The following ASCC2 variants were observed in gnomAD, a reference collection of about 807,000 sequenced individuals.
ASCC2 encodes activating signal cointegrator 1 complex subunit 2, also known as ASC-1 complex subunit P100.
In ASCC2, 42 loss-of-function variants were observed where a neutral mutation model predicts 93.5. The observed-to-expected ratio is 0.45, with a 90% CI of 0.35 to 0.58. The LOEUF is 0.58. Ranked by LOEUF, ASCC2 falls within the 20% of genes least tolerant of loss-of-function variation. The pLI, the probability that ASCC2 is intolerant of heterozygous loss-of-function variation, is 0.00. For synonymous variants in ASCC2, 364 were observed against 384.2 expected (o/e 0.95, Z 0.62); for missense variants, 859 against 977.6 (o/e 0.88, Z 1.62).
intron 5 of ASCC2, among the ~76,000 whole-genome samples, chr22:29,820,080 A>G (rs915520378): frequency 6.6e-6 from 1 of 152,170 alleles, no homozygotes; most frequent in African/African-American, 2.4e-5. Context: ...GAAAAAAAAA[A>G]GATTAACTGA....
At chr22:29,827,679 A>G in intron 2 of ASCC2, 1 of 459,348 alleles carries the variant, frequency 2.2e-6, no homozygotes, top group South Asian at 1.6e-5. Context: ...CTTGGTTTCC[A>G]AGCTTCCTCC....
chr22:29,800,935 T>C, intron 15 of ASCC2, 56 bp downstream of exon 15: 1 of 1,531,360 alleles, frequency 6.5e-7, no homozygotes, highest in Non-Finnish European at 8.8e-7. Flanking sequence ...TTTCCCTGTG[T>C]CCTCTCTGCA....
At chr22:29,794,838 C>G (rs567220251) in intron 15 of ASCC2, among the ~76,000 whole-genome samples, 10 of 152,216 alleles carry the variant, frequency 6.6e-5, no homozygotes, top group Non-Finnish European at 1.3e-4. Flanking sequence ...AAGCAAACTA[C>G]GCTAACTCTG....
At chr22:29,792,683 C>T (rs2240364) in intron 17 of ASCC2, 148 bp from the exon 18 acceptor site, 62,742 of 1,113,792 alleles carry the variant, frequency 0.056, 2,178 homozygotes, top group South Asian at 0.097. Flanking sequence ...GCCAGATTTG[C>T]TCCAGCCCCT....
At chr22:29,789,212 G>C in intron 19 of ASCC2, 28 bp from the exon 20 acceptor site, 1 of 1,613,538 alleles carries the variant, frequency 6.2e-7, no homozygotes, top group Non-Finnish European at 8.5e-7. Context: ...CACCCCACGA[G>C]AACCTGTCAG....
Position 29,802,709 on chromosome 22 carries a change from G to A in ASCC2, c.1354-501C>T, listed in dbSNP as rs547741015. Among the ~76,000 whole-genome samples the A allele has an allele frequency of 1.1e-4, 17 of 152,154 alleles. No individual in the cohort carries two copies. The South Asian group carries it at 2.7e-3, about 24-fold the overall frequency. ...TGTAATCCTAGCACTTTGGGAGGCCGAGACGGGTGGACTGCCTGAGCTCAG... is the reference window on the plus strand; with the variant it reads ...TGTAATCCTAGCACTTTGGGAGGCCAAGACGGGTGGACTGCCTGAGCTCAG... On this transcript the variant is annotated intron_variant, in intron 13 of 19. Transcript: ENST00000307790.
At position 29,802,180 on chromosome 22, in the gene ASCC2, G is replaced by C; in HGVS notation, c.1382C>G (p.Pro461Arg). The C allele has an allele frequency of 6.2e-7, 1 of 1,614,222 alleles. No homozygotes were observed. Among genetic ancestry groups the C allele is most frequent in the Middle Eastern group, 1.7e-4 (1 of 6,048 alleles). Reference sequence around the variant, plus strand: ...GTCCAGTTCCACCCCACACATGGCAGGGCCCACAGCCGCGGCTGCTCCCAT... The same window carrying C: ...GTCCAGTTCCACCCCACACATGGCACGGCCCACAGCCGCGGCTGCTCCCAT... ...ECMGAAAAVG[P>R]AMCGVELDSL... Residue 461 changes from proline to arginine, a missense_variant, in exon 14 of 20, where the codon CCT (proline) becomes CGT (arginine). By Grantham distance (103) the Pro-to-Arg change is moderately radical. Coordinates refer to ENST00000307790, the MANE Select transcript of ASCC2 (RefSeq NM_032204.5).
chr22:29,822,144 A>C, intron 5 of ASCC2, 191 bp downstream of exon 5: 1 of 695,390 alleles, frequency 1.4e-6, no homozygotes, highest in Non-Finnish European at 2.4e-6. Context: ...TTTTATTTCC[A>C]CCTCCCTAGG....
rs567731050 is a variant in ASCC2, at chr22:29,832,167, A to C, written c.81+78T>G. Reference sequence around the variant, plus strand: ...CCTCGTGTCATTCTTGGAACAGATAAAGACGGAATTTACTTTTTGCTCCTG... The same window carrying C: ...CCTCGTGTCATTCTTGGAACAGATACAGACGGAATTTACTTTTTGCTCCTG... On this transcript the variant is annotated intron_variant, in intron 2 of 19. Coordinates refer to ENST00000307790, the MANE Select transcript of ASCC2 (RefSeq NM_032204.5). 4.0e-5 allele frequency: 51 copies of C among 1,281,806 alleles called. No individual in the cohort carries two copies. In the African/African-American group the frequency reaches 7.1e-4, roughly 18 times the overall value. 79.4% of individuals were successfully genotyped at this position (1,281,806 alleles called of 1,614,324 possible). A position where few individuals can be genotyped will look rare whatever the true frequency, so the allele number is the denominator to read the frequency against.
intron 12 of ASCC2, among the ~76,000 whole-genome samples, chr22:29,805,573 C>T (rs2059576299): frequency 6.6e-6 from 1 of 152,204 alleles, no homozygotes; most frequent in Non-Finnish European, 1.5e-5. Flanking sequence ...GCCCAAACTT[C>T]TTAGTGATGG....
At chr22:29,830,447 T>C (rs1349095907) in intron 2 of ASCC2, among the ~76,000 whole-genome samples, 1 of 152,196 alleles carries the variant, frequency 6.6e-6, no homozygotes, top group Non-Finnish European at 1.5e-5. Context: ...CATACTAAGG[T>C]TGTCCTACCA....
chr22:29,788,821 G>A lies in ASCC2; in HGVS notation c.*192C>T, dbSNP rs2068469927. On this transcript the variant is annotated 3_prime_UTR_variant, in exon 20 of 20. Coordinates refer to ENST00000307790, the MANE Select transcript of ASCC2 (RefSeq NM_032204.5). The stretch of plus-strand genomic sequence containing the variant: ...ACGGATTCTTCGGCTGTGGCATAAG[G>A]CACTGTGTGTTCTGCAGGAAGGCGC... 3.1e-6 allele frequency: 2 copies of A among 645,220 alleles called. No individual in the cohort carries two copies. The highest frequency in any genetic ancestry group is 5.3e-6 in the Non-Finnish European group (2 of 376,180). The allele number at this position is 645,220 out of a possible 1,614,324, so 40.0% of individuals were successfully genotyped here.
chr22:29,795,193 C>T (rs1324106487), intron 15 of ASCC2, among the ~76,000 whole-genome samples: 1 of 151,918 alleles, frequency 6.6e-6, no homozygotes, highest in Non-Finnish European at 1.5e-5. Context: ...TCCCAAAGTG[C>T]TAGGATTACA....
intron 8 of ASCC2, 150 bp from the exon 9 acceptor site, chr22:29,808,335 C>T (rs2059919780): frequency 2.6e-6 from 2 of 759,304 alleles, no homozygotes; most frequent in East Asian, 2.7e-5. Context: ...CCTGAGCTCA[C>T]CCCAGACTGA....
chr22:29,819,256 G>C (rs2061272080), intron 5 of ASCC2, among the ~76,000 whole-genome samples: 1 of 152,136 alleles, frequency 6.6e-6, no homozygotes, highest in Non-Finnish European at 1.5e-5. Context: ...CGCCTCCCAG[G>C]TTCAAGCGAT....
intron 2 of ASCC2, among the ~76,000 whole-genome samples, chr22:29,830,210 A>G (rs1253251944): frequency 1.3e-5 from 2 of 152,228 alleles, no homozygotes; most frequent in Non-Finnish European, 2.9e-5. Context: ...ATTCACAGGC[A>G]TCTCATTTAA....
intron 1 of ASCC2, 168 bp from the exon 2 acceptor site, chr22:29,832,510 T>G: frequency 1.9e-6 from 1 of 533,228 alleles, no homozygotes; most frequent in Non-Finnish European, 3.3e-6. Flanking sequence ...CCAGCCAAAG[T>G]GACTTTTTTT....
chr22:29,799,621 C>T (rs2058840338), intron 15 of ASCC2, among the ~76,000 whole-genome samples: 1 of 152,230 alleles, frequency 6.6e-6, no homozygotes, highest in African/African-American at 2.4e-5. Flanking sequence ...GGTGAAAGAG[C>T]AGCCTGTACT....
intron 4 of ASCC2, among the ~76,000 whole-genome samples, chr22:29,823,396 A>C (rs1421184100): frequency 6.6e-6 from 1 of 152,230 alleles, no homozygotes; most frequent in African/African-American, 2.4e-5. Context: ...TTGGGAATTT[A>C]TCCTGAAATA....
Sources: gnomAD v4.1 joint callset for allele counts (sites outside exome capture counted in the v4.1 genomes callset) on GRCh38, gnomAD v4.1.1 for gene constraint, MANE v1.5 for transcripts, NCBI Gene and HGNC (gene_info 2026-07-23, HGNC 2026-07-21) for gene names.